Variants in ARHGAP15 observed in about 807,000 individuals in gnomAD.
The protein encoded by ARHGAP15 is Rho GTPase activating protein 15.
In ARHGAP15, 51 loss-of-function variants were observed where a neutral mutation model predicts 63.7. The observed-to-expected ratio is 0.80, with a 90% CI of 0.64 to 1.01. The LOEUF (loss-of-function observed/expected upper bound fraction) is 1.01. Ranked by LOEUF, ARHGAP15 falls within the 50% of genes least tolerant of loss-of-function variation. ARHGAP15 has a pLI of 0.00. For synonymous variants in ARHGAP15, 191 were observed against 193.8 expected (o/e 0.99, Z 0.12); for missense variants, 560 against 564.6 (o/e 0.99, Z 0.08).
intron 5 of ARHGAP15, among the ~76,000 whole-genome samples, chr2:143,230,546 C>G (rs115630663): frequency 2.0e-5 from 3 of 152,164 alleles, no homozygotes; most frequent in African/African-American, 7.2e-5. Context: ...TTTTAATGCT[C>G]TTATGGTTTC....
chr2:143,244,919 T>C (rs1345843580), intron 5 of ARHGAP15, among the ~76,000 whole-genome samples: 1 of 152,028 alleles, frequency 6.6e-6, no homozygotes. Context: ...TGATTATGGA[T>C]GGTGAAAGAA....
intron 10 of ARHGAP15, among the ~76,000 whole-genome samples, chr2:143,531,678 TGAAG>T (rs777390809): frequency 6.6e-6 from 1 of 152,176 alleles, no homozygotes; most frequent in Non-Finnish European, 1.5e-5. Context: ...TATAACTCTT[TGAAG>T]GTGTGGATAT....
At chr2:143,420,986 C>T (rs1033416205) in intron 6 of ARHGAP15, among the ~76,000 whole-genome samples, 3 of 152,188 alleles carry the variant, frequency 2.0e-5, no homozygotes, top group African/African-American at 7.2e-5. Context: ...ACGTGGAGTG[C>T]ACTCATTGTT....
At chr2:143,766,647 T>A (rs961959088) in intron 13 of ARHGAP15, 1 of 152,154 alleles carries the variant, frequency 6.6e-6, no homozygotes, top group Admixed American at 6.5e-5. Flanking sequence ...AAAATAAATT[T>A]GTGCTAGTTT....
intron 6 of ARHGAP15, 79 bp downstream of exon 6, chr2:143,250,679 C>T: frequency 8.5e-7 from 1 of 1,181,672 alleles, no homozygotes; most frequent in Non-Finnish European, 1.2e-6. Context: ...ATAAGACTAC[C>T]TTCTTGTGAT....
At chr2:143,312,187 A>G (rs987721798) in intron 6 of ARHGAP15, among the ~76,000 whole-genome samples, 1 of 152,172 alleles carries the variant, frequency 6.6e-6, no homozygotes, top group South Asian at 2.1e-4. Context: ...TTTGGATAGG[A>G]AAAAAGATTT....
chr2:143,703,399 CTTTT>C lies in ARHGAP15; in HGVS notation c.1139-18_1139-15del, dbSNP rs1559134988. On this transcript the variant is annotated splice_polypyrimidine_tract_variant and intron_variant, in intron 12 of 13. Coordinates refer to ENST00000295095, the MANE Select transcript of ARHGAP15 (RefSeq NM_018460.4). ...AAATCTTGTTTTTTCCCTAACCTTC[CTTTT>C]TATTTTTTTTTCCAGAAAAGCAAGA... The C allele has an allele frequency of 1.3e-6, 2 of 1,591,268 alleles. No homozygotes were observed. Among genetic ancestry groups the C allele is most frequent in the African/African-American group, 1.4e-5 (1 of 73,392 alleles).
At chr2:143,350,647 G>A (rs1327183660) in intron 6 of ARHGAP15, among the ~76,000 whole-genome samples, 1 of 144,856 alleles carries the variant, frequency 6.9e-6, no homozygotes, top group Non-Finnish European at 1.5e-5. Flanking sequence ...GTGAAACCCC[G>A]TCTCTATTAA....
intron 8 of ARHGAP15, among the ~76,000 whole-genome samples, chr2:143,461,048 G>A (rs1558986874): frequency 6.6e-6 from 1 of 152,190 alleles, no homozygotes; most frequent in East Asian, 1.9e-4. Flanking sequence ...CCAACACTTT[G>A]AGAGGCCAAA....
intron 13 of ARHGAP15, among the ~76,000 whole-genome samples, chr2:143,709,369 A>T (rs1684474329): frequency 6.6e-6 from 1 of 152,218 alleles, no homozygotes; most frequent in Non-Finnish European, 1.5e-5. Flanking sequence ...TTAGGAAGTA[A>T]TGTTATTTGT....
intron 9 of ARHGAP15, among the ~76,000 whole-genome samples, chr2:143,508,033 C>T (rs1693401717): frequency 6.6e-6 from 1 of 150,846 alleles, no homozygotes; most frequent in Admixed American, 6.6e-5. Context: ...TCATGTCACC[C>T]CCCCCTCCTC....
intron 10 of ARHGAP15, among the ~76,000 whole-genome samples, chr2:143,554,213 TTCTAAAA>T (rs1284212981): frequency 6.6e-6 from 1 of 152,202 alleles, no homozygotes; most frequent in African/African-American, 2.4e-5. Flanking sequence ...TGTTTCTATT[TTCTAAAA>T]TAATTATTAT....
intron 13 of ARHGAP15, among the ~76,000 whole-genome samples, chr2:143,733,831 C>T (rs573433805): frequency 6.6e-6 from 1 of 151,994 alleles, no homozygotes; most frequent in Non-Finnish European, 1.5e-5. Flanking sequence ...TGTACAATAC[C>T]TAAGATGGAA....
intron 10 of ARHGAP15, among the ~76,000 whole-genome samples, chr2:143,544,476 C>G: frequency 6.6e-6 from 1 of 152,200 alleles, no homozygotes; most frequent in Middle Eastern, 3.4e-3. Flanking sequence ...ATATACTACA[C>G]ACATGTGTAT....
At chr2:143,507,580 A>C (rs920877918) in intron 9 of ARHGAP15, among the ~76,000 whole-genome samples, 2 of 152,210 alleles carry the variant, frequency 1.3e-5, no homozygotes, top group Admixed American at 6.5e-5. Flanking sequence ...GAAATATACC[A>C]TTCATGCAGC....
At chr2:143,420,416 A>G (rs1264116938) in intron 6 of ARHGAP15, among the ~76,000 whole-genome samples, 6 of 152,188 alleles carry the variant, frequency 3.9e-5, no homozygotes, top group African/African-American at 1.4e-4. Context: ...GTGTATCTGA[A>G]GTACACCAGC....
At chr2:143,259,503 A>G (rs1680605419) in intron 6 of ARHGAP15, among the ~76,000 whole-genome samples, 1 of 152,212 alleles carries the variant, frequency 6.6e-6, no homozygotes, top group South Asian at 2.1e-4. Flanking sequence ...TTCTATTATT[A>G]ACATAGGAAA....
chr2:143,346,244 A>ACTCT (rs754388159), intron 6 of ARHGAP15, among the ~76,000 whole-genome samples: 3 of 143,936 alleles, frequency 2.1e-5, no homozygotes, highest in Admixed American at 6.8e-5. Flanking sequence ...TCTCACACAC[A>ACTCT]CACACTCACA....
intron 12 of ARHGAP15, among the ~76,000 whole-genome samples, chr2:143,697,920 T>G (rs1444023490): frequency 6.6e-6 from 1 of 152,204 alleles, no homozygotes; most frequent in Non-Finnish European, 1.5e-5. Context: ...ACTAGAGAAC[T>G]GCTATTCTTC....
Sources: gnomAD v4.1 joint callset for allele counts (sites outside exome capture counted in the v4.1 genomes callset) on GRCh38, gnomAD v4.1.1 for gene constraint, MANE v1.5 for transcripts, NCBI Gene and HGNC (gene_info 2026-07-23, HGNC 2026-07-21) for gene names.